Variants in HMCN1 observed in about 807,000 individuals in gnomAD.
The protein encoded by HMCN1 is hemicentin 1, also known as hemicentin-1.
HMCN1 carries 321 observed loss-of-function variants against 625.9 expected under a neutral mutation model. The observed-to-expected ratio is 0.51, with a 90% CI of 0.47 to 0.56. The LOEUF is 0.56. Among genes scored for constraint, HMCN1 ranks in the 20% least tolerant of loss-of-function variants. The pLI is 0.00. For missense variants in HMCN1, 6,588 were observed against 6,887.3 expected (o/e 0.96, Z 1.54); for synonymous variants, 2,425 against 2,417.6 (o/e 1.00, Z -0.09).
intron 4 of HMCN1, among the ~76,000 whole-genome samples, chr1:185,872,511 A>C (rs1663681845): frequency 6.6e-6 from 1 of 152,182 alleles, no homozygotes; most frequent in Non-Finnish European, 1.5e-5. Flanking sequence ...ATGACATTTA[A>C]AGAGTACATA....
intron 6 of HMCN1, among the ~76,000 whole-genome samples, chr1:185,915,872 A>G (rs532105443): frequency 8.4e-4 from 128 of 152,198 alleles, no homozygotes; most frequent in African/African-American, 2.9e-3. Flanking sequence ...AAGTAAATAG[A>G]TTAGGTGTAG....
At position 186,053,835 on chromosome 1, in the gene HMCN1, G is replaced by T; in HGVS notation, c.6711G>T (p.Val2237=). The part of the protein sequence containing the change: ...NLIWKKKGSP[V]LTDSMGRVRI... ...TGGACTTCTTTGTAGGCTCTCCAGT[G>T]CTGACTGATTCCATGGGGCGAGTTA... is the stretch of plus-strand genomic sequence containing the variant. Residue 2237 remains valine (V), a synonymous_variant, in exon 44 of 107, where the codon GTG becomes GTT. Transcript: ENST00000271588. The T allele has an allele frequency of 6.2e-7, 1 of 1,612,546 alleles. No homozygotes were observed. The highest frequency in any genetic ancestry group is 1.1e-5 in the South Asian group (1 of 91,070).
chr1:185,924,955 T>C (rs925533509), intron 8 of HMCN1, 92 bp from the exon 9 acceptor site: 36 of 1,093,428 alleles, frequency 3.3e-5, no homozygotes, highest in East Asian at 2.6e-5. Context: ...AATTTAAGTA[T>C]AAAGATTTTG....
intron 57 of HMCN1, among the ~76,000 whole-genome samples, chr1:186,084,812 A>G (rs1261930622): frequency 6.6e-6 from 1 of 152,086 alleles, no homozygotes; most frequent in African/African-American, 2.4e-5. Flanking sequence ...AATGTTTTAT[A>G]TAGGTTATTT....
chr1:185,987,974 C>T (rs971965710), intron 20 of HMCN1, among the ~76,000 whole-genome samples: 6 of 151,924 alleles, frequency 3.9e-5, no homozygotes, highest in African/African-American at 7.3e-5. Context: ...GGATGTGGCA[C>T]GGGGTAAAAA....
intron 1 of HMCN1, among the ~76,000 whole-genome samples, chr1:185,835,411 C>T (rs913661429): frequency 6.6e-6 from 1 of 151,516 alleles, no homozygotes; most frequent in Non-Finnish European, 1.5e-5. Context: ...CTTCAATTGC[C>T]GCAGTGCATT....
At chr1:185,760,557 C>T (rs1655428290) in intron 1 of HMCN1, among the ~76,000 whole-genome samples, 1 of 152,094 alleles carries the variant, frequency 6.6e-6, no homozygotes, top group African/African-American at 2.4e-5. Flanking sequence ...TGAGTGCCTA[C>T]TCTATGCCTT....
rs887013012 is a variant in HMCN1 at position 186,190,753 on chromosome 1, G to A, written c.*875G>A. On this transcript the variant is annotated 3_prime_UTR_variant, in exon 107 of 107. Coordinates refer to ENST00000271588, the MANE Select transcript of HMCN1 (RefSeq NM_031935.3). ...GTTCAAATTAACATAAATATTACAC[G>A]TCAATACACTGTACATGGTGGTAAT... 1.1e-4 allele frequency: 22 copies of A among 195,838 alleles called. No homozygotes were observed. Among genetic ancestry groups the A allele is most frequent in the East Asian group, 8.0e-5 (1 of 12,474 alleles). The allele number at this position is 195,838 out of a possible 1,614,324, so 12.1% of individuals were successfully genotyped here.
chr1:185,982,441 C>CTTTTTTT, intron 18 of HMCN1, 52 bp downstream of exon 18: 9 of 1,227,406 alleles, frequency 7.3e-6, no homozygotes, highest in South Asian at 4.0e-5. Flanking sequence ...GTTTTCTTTT[C>CTTTTTTT]TTTTTTTTTT....
rs73054473 is a variant in HMCN1, at chr1:185,884,376, C to A, written c.621+18513C>A. Among the ~76,000 whole-genome samples the A allele has an allele frequency of 1.3e-5, 2 of 151,874 alleles. 1 individual carries two copies. The highest frequency in any genetic ancestry group is 2.9e-5 in the Non-Finnish European group (2 of 67,840). The stretch of plus-strand genomic sequence containing the variant: ...AAAGCTCCTTATGCAGATATCTGGA[C>A]GCTCTTGTCTTCATAGCTCCCTTTT... On this transcript the variant is annotated intron_variant, in intron 4 of 106. Transcript: ENST00000271588.
In HMCN1 at chr1:185,734,553, A is replaced by AGCCGCATCCAGACAAAAGCT; in HGVS notation, c.-217_-198dup. The AGCCGCATCCAGACAAAAGCT allele has an allele frequency of 1.8e-6, 1 of 556,690 alleles. No homozygotes were observed. The highest frequency in any genetic ancestry group is 3.2e-6 in the Non-Finnish European group (1 of 311,604). 34.5% of individuals were successfully genotyped at this position (556,690 alleles called of 1,614,324 possible). ...GCGGGCAGATAGCAGTCCAGGAGGA[A>AGCCGCATCCAGACAAAAGCT]GCCGCATCCAGACAAAAGCTGCCGC... is the stretch of plus-strand genomic sequence containing the variant. On this transcript the variant is annotated 5_prime_UTR_variant, in exon 1 of 107. Transcript: ENST00000271588.
At chr1:186,107,051 A>G (rs1330141856) in intron 70 of HMCN1, 86 bp downstream of exon 70, 1 of 854,996 alleles carries the variant, frequency 1.2e-6, no homozygotes, top group Non-Finnish European at 2.0e-6. Context: ...ATCACAGGAT[A>G]TGTTTATAAG....
rs1194487455 is a variant in HMCN1 at position 186,038,895 on chromosome 1, G to A, written c.5918G>A (p.Gly1973Glu). 1.2e-5 allele frequency: 19 copies of A among 1,603,208 alleles called. No homozygotes were observed. Among genetic ancestry groups the A allele is most frequent in the Non-Finnish European group, 1.5e-5 (18 of 1,170,286 alleles). The change falls in exon 38 of 107, where the codon GGA becomes GAA. Residue 1973 changes from glycine to glutamate, a missense_variant. Physicochemically the swap from Gly to Glu is moderately conservative, Grantham distance 98 (BLOSUM62 -2). Around this residue, in one of 3 missense-constraint regions of HMCN1, gnomAD observed 4,628 missense variants for 4,853.1 expected, o/e 0.95. Coordinates refer to ENST00000271588, the MANE Select transcript of HMCN1 (RefSeq NM_031935.3). The part of the protein sequence containing the change: ...GSTSMTFLNR[G>E]QIIDIESAQI... ...ACCAGCATGACTTTCTTGAACAGAG[G>A]ACAGATCATTGATATTGAAAGTGCC...
chr1:186,038,051 A>C lies in HMCN1; in HGVS notation c.5851+16A>C. 6.9e-7 allele frequency: 1 copy of C among 1,449,994 alleles called. No individual in the cohort carries two copies. The highest frequency in any genetic ancestry group is 9.7e-7 in the Non-Finnish European group (1 of 1,030,308). 89.8% of individuals were successfully genotyped at this position (1,449,994 alleles called of 1,614,324 possible). A position where few individuals can be genotyped will look rare whatever the true frequency, so the allele number is the denominator to read the frequency against. ...CCTGTGCCTGGTACATTTACTTTTG[A>C]ACTCTGTAACTTAATATTTTAAGAT... On this transcript the variant is annotated intron_variant, in intron 37 of 106. Coordinates refer to ENST00000271588, the MANE Select transcript of HMCN1 (RefSeq NM_031935.3).
chr1:186,063,087 TATATATATA>T (rs1657849452), intron 48 of HMCN1, among the ~76,000 whole-genome samples: 1 of 128,450 alleles, frequency 7.8e-6, no homozygotes, highest in Non-Finnish European at 1.6e-5. Flanking sequence ...TATATATATA[TATATATATA>T]TATATATCAC....
intron 15 of HMCN1, among the ~76,000 whole-genome samples, chr1:185,974,221 A>T (rs1571644793): frequency 6.6e-6 from 1 of 152,302 alleles, no homozygotes; most frequent in East Asian, 1.9e-4. Context: ...AGAAGCCAAA[A>T]TTGAAATTAA....
At chr1:186,057,932 A>G (rs747974990) in intron 46 of HMCN1, among the ~76,000 whole-genome samples, 6 of 152,016 alleles carry the variant, frequency 3.9e-5, no homozygotes, top group Admixed American at 1.3e-4. Flanking sequence ...TTGTGGATCA[A>G]TATAAGCGTA....
intron 105 of HMCN1, among the ~76,000 whole-genome samples, chr1:186,186,262 C>A (rs972860657): frequency 6.6e-6 from 1 of 152,148 alleles, no homozygotes. Flanking sequence ...CTTCTGAAAT[C>A]TAATTTAAAA....
At chr1:186,025,950 A>G (rs1302954937) in intron 36 of HMCN1, among the ~76,000 whole-genome samples, 1 of 152,226 alleles carries the variant, frequency 6.6e-6, no homozygotes, top group Non-Finnish European at 1.5e-5. Context: ...ATAACAGTTC[A>G]TCTCCCTGAA....
Sources: gnomAD v4.1 joint callset for allele counts (sites outside exome capture counted in the v4.1 genomes callset) on GRCh38, gnomAD v4.1.1 for gene constraint, gnomAD v4.1.1 regional missense constraint, MANE v1.5 for transcripts, NCBI Gene and HGNC (gene_info 2026-07-23, HGNC 2026-07-21) for gene names.